The following RBFOX1 variants were observed in gnomAD, a reference collection of about 807,000 sequenced individuals.
RBFOX1 encodes the protein RNA binding protein fox-1 homolog 1.
RBFOX1 carries 8 observed loss-of-function variants against 57.7 expected under a neutral mutation model. The ratio of observed to expected loss-of-function variants is 0.14; its 90% CI spans 0.08 to 0.25. The LOEUF (loss-of-function observed/expected upper bound fraction) is 0.25, where lower values mean the gene tolerates loss of function less well. RBFOX1 is among the 10% of genes least tolerant of loss of function. The pLI is 1.00. For missense variants in RBFOX1, 611 were observed against 548.5 expected (o/e 1.11, Z -1.14); for synonymous variants, 326 against 222.4 (o/e 1.47, Z -4.15).
At chr16:5,262,172 A>G (rs2062751697) in intron 1 of RBFOX1, among the ~76,000 whole-genome samples, 1 of 152,204 alleles carries the variant, frequency 6.6e-6, no homozygotes, top group African/African-American at 2.4e-5. Flanking sequence ...GCCTTGAAAT[A>G]AGGGAAGGAT....
At chr16:6,504,206 A>T (rs562555419) in intron 2 of RBFOX1, among the ~76,000 whole-genome samples, 71 of 152,282 alleles carry the variant, frequency 4.7e-4, no homozygotes, top group African/African-American at 1.6e-3. Flanking sequence ...AGCCTGCATG[A>T]TAGAGCTAGC....
At chr16:7,034,776 A>T (rs2043804647) in intron 3 of RBFOX1, among the ~76,000 whole-genome samples, 1 of 148,960 alleles carries the variant, frequency 6.7e-6, no homozygotes, top group Non-Finnish European at 1.5e-5. Context: ...GTCTCAGAAA[A>T]TGCAATTTCT....
At chr16:6,012,994 T>C (rs1384324442) in intron 4 of RBFOX1, among the ~76,000 whole-genome samples, 1 of 152,218 alleles carries the variant, frequency 6.6e-6, no homozygotes, top group Non-Finnish European at 1.5e-5. Context: ...TATTTGGAGA[T>C]GGGAATCAAC....
Position 6,588,318 on chromosome 16 carries a change from G to A in RBFOX1, c.-63-66285G>A, listed in dbSNP as rs531114594. Reference sequence around the variant, plus strand: ...GTAGATACTAACTGGAACATGCATCGCACTTAGTTGTCCTTATTTCTTTCA... The same window carrying A: ...GTAGATACTAACTGGAACATGCATCACACTTAGTTGTCCTTATTTCTTTCA... On this transcript the variant is annotated intron_variant, in intron 2 of 15. Coordinates refer to ENST00000550418, the MANE Select transcript of RBFOX1 (RefSeq NM_018723.4). Among the ~76,000 whole-genome samples, 45 of 151,704 alleles carry A rather than the reference G, an allele frequency of 3.0e-4. 1 individual carries two copies. In the East Asian group the frequency reaches 8.3e-3, roughly 28 times the overall value.
At chr16:6,271,820 A>G (rs1300012551) in intron 1 of RBFOX1, among the ~76,000 whole-genome samples, 2 of 152,176 alleles carry the variant, frequency 1.3e-5, no homozygotes. Context: ...ACCTCCTAAA[A>G]AATAAATCTC....
chr16:5,747,870 T>G (rs1172879997), intron 3 of RBFOX1, among the ~76,000 whole-genome samples: 1 of 152,264 alleles, frequency 6.6e-6, no homozygotes, highest in Non-Finnish European at 1.5e-5. Flanking sequence ...GTGTCTCTGT[T>G]TCCTTCAGTT....
intron 3 of RBFOX1, among the ~76,000 whole-genome samples, chr16:6,906,542 T>C (rs13336985): frequency 0.01 from 1,523 of 152,226 alleles, 32 homozygotes; most frequent in African/African-American, 0.035. Flanking sequence ...AAACTTTTCT[T>C]TATGGTTTTG....
At position 5,999,679 on chromosome 16, in the gene RBFOX1, G is replaced by A. The variant is rs369218266; in HGVS notation, c.351+132344G>A. Among the ~76,000 whole-genome samples, 33 of 152,040 alleles carry A rather than the reference G, an allele frequency of 2.2e-4. 2 individuals carry two copies. The South Asian group carries it at 6.9e-3, about 32-fold the overall frequency. Reference sequence around the variant, plus strand: ...GATCGAGACCATTCTGGCTAACACGGTGAAACCGTGTCTCTACTAAAAATA... The same window carrying A: ...GATCGAGACCATTCTGGCTAACACGATGAAACCGTGTCTCTACTAAAAATA... On this transcript the variant is annotated intron_variant, in intron 4 of 19. Transcript: ENST00000641259.
At chr16:6,577,519 A>G (rs2097458478) in intron 2 of RBFOX1, among the ~76,000 whole-genome samples, 1 of 152,222 alleles carries the variant, frequency 6.6e-6, no homozygotes, top group African/African-American at 2.4e-5. Flanking sequence ...CTGAAATCTC[A>G]GTGATATAAC....
At chr16:6,854,719 C>G (rs1167540439) in intron 3 of RBFOX1, among the ~76,000 whole-genome samples, 2 of 151,018 alleles carry the variant, frequency 1.3e-5, no homozygotes, top group Non-Finnish European at 2.9e-5. Flanking sequence ...GTCAGCCTCC[C>G]GAGTAGCTGG....
intron 3 of RBFOX1, among the ~76,000 whole-genome samples, chr16:5,734,291 G>T (rs6500715): frequency 1.3e-5 from 2 of 151,384 alleles, no homozygotes; most frequent in Non-Finnish European, 2.9e-5. Context: ...GAGACCCCAC[G>T]TCTACACAAA....
At chr16:7,224,868 A>G (rs934467175) in intron 4 of RBFOX1, among the ~76,000 whole-genome samples, 1 of 152,176 alleles carries the variant, frequency 6.6e-6, no homozygotes, top group Admixed American at 6.5e-5. Flanking sequence ...CAGAATGTGC[A>G]CTTTACCACG....
chr16:6,524,952 C>G (rs1211959442), intron 2 of RBFOX1, among the ~76,000 whole-genome samples: 2 of 152,264 alleles, frequency 1.3e-5, no homozygotes, highest in African/African-American at 4.8e-5. Context: ...TCGGCAAGGA[C>G]CCTATTTCCA....
chr16:6,983,317 TC>T (rs2089445326), intron 3 of RBFOX1, among the ~76,000 whole-genome samples: 2 of 152,126 alleles, frequency 1.3e-5, no homozygotes, highest in African/African-American at 2.4e-5. Flanking sequence ...GTCCATTATT[TC>T]TTTAGCCGTA....
At chr16:6,849,245 G>A (rs979829958) in intron 3 of RBFOX1, among the ~76,000 whole-genome samples, 1 of 152,174 alleles carries the variant, frequency 6.6e-6, no homozygotes, top group African/African-American at 2.4e-5. Flanking sequence ...TTAATACTGA[G>A]GAAGTCTTTC....
intron 3 of RBFOX1, among the ~76,000 whole-genome samples, chr16:7,046,734 T>C (rs1315833707): frequency 2.7e-5 from 4 of 149,918 alleles, no homozygotes; most frequent in African/African-American, 7.3e-5. Flanking sequence ...GCCTCCCAAA[T>C]AGCTGGGATT....
chr16:5,248,674 A>T (rs2062365954), intron 1 of RBFOX1, among the ~76,000 whole-genome samples: 1 of 151,994 alleles, frequency 6.6e-6, no homozygotes, highest in South Asian at 2.1e-4. Context: ...TGTTCGGGGG[A>T]GACTGCAAAG....
intron 3 of RBFOX1, among the ~76,000 whole-genome samples, chr16:5,649,877 A>G (rs1291960251): frequency 1.3e-5 from 2 of 152,098 alleles, no homozygotes; most frequent in Admixed American, 6.5e-5. Context: ...AGTCCTTCAC[A>G]CTGTGCAGAT....
intron 3 of RBFOX1, among the ~76,000 whole-genome samples, chr16:5,727,849 A>G (rs71390679): frequency 0.16 from 24,187 of 152,002 alleles, 2,476 homozygotes; most frequent in East Asian, 0.35. Flanking sequence ...CACCATGCCC[A>G]CTAATATTTC....
Sources: gnomAD v4.1 joint callset for allele counts (sites outside exome capture counted in the v4.1 genomes callset) on GRCh38, gnomAD v4.1.1 for gene constraint, MANE v1.5 for transcripts, NCBI Gene and HGNC (gene_info 2026-07-23, HGNC 2026-07-21) for gene names.